The following CGNL1 variants were observed in gnomAD, a reference collection of about 807,000 sequenced individuals.
The protein encoded by CGNL1 is cingulin like 1.
A neutral mutation model predicts 141.2 loss-of-function variants in CGNL1; 132 were observed. The observed-to-expected ratio is 0.93, with a 90% CI of 0.81 to 1.08. The LOEUF (loss-of-function observed/expected upper bound fraction) is 1.08. Ranked by LOEUF, CGNL1 falls within the 50% of genes least tolerant of loss-of-function variation. The pLI is 0.00. For synonymous variants in CGNL1, 690 were observed against 622.1 expected (o/e 1.11, Z -1.63); for missense variants, 1,870 against 1,588.6 (o/e 1.18, Z -3.01).
At chr15:57,432,438 C>T (rs1179141336) in intron 1 of CGNL1, among the ~76,000 whole-genome samples, 2 of 152,204 alleles carry the variant, frequency 1.3e-5, no homozygotes, top group Non-Finnish European at 2.9e-5. Flanking sequence ...TTTGTTCTTA[C>T]AAACACACTC....
rs115892952 is a variant in CGNL1, at chr15:57,506,161, C to T, written c.2404-10619C>T. The stretch of plus-strand genomic sequence containing the variant: ...GGTCTGTCTGTGACAGCGACTCTAA[C>T]TGGGAGTCTAACGCTTGCATTTACC... On this transcript the variant is annotated intron_variant, in intron 8 of 18. Coordinates refer to ENST00000281282, the MANE Select transcript of CGNL1 (RefSeq NM_032866.5). 7.2e-3 allele frequency among the ~76,000 whole-genome samples: 1,099 copies of T among 152,346 alleles called. 17 individuals carry two copies. The highest frequency in any genetic ancestry group is 0.025 in the African/African-American group (1,053 of 41,572).
chr15:57,504,009 C>G (rs139664716), intron 8 of CGNL1, among the ~76,000 whole-genome samples: 2 of 152,094 alleles, frequency 1.3e-5, no homozygotes, highest in African/African-American at 2.4e-5. Context: ...CTGTGCCCTG[C>G]GTGGCATTGT....
chr15:57,497,681 G>T (rs1299140227), intron 8 of CGNL1, among the ~76,000 whole-genome samples: 2 of 152,190 alleles, frequency 1.3e-5, no homozygotes, highest in Admixed American at 6.5e-5. Context: ...GGAGGGTGTG[G>T]GTGGGCCAGG....
chr15:57,508,425 A>T (rs1430195782), intron 8 of CGNL1, among the ~76,000 whole-genome samples: 1 of 152,248 alleles, frequency 6.6e-6, no homozygotes, highest in Non-Finnish European at 1.5e-5. Context: ...GGAGGAAGGA[A>T]GGAACCCATC....
rs1268533972 is a variant in CGNL1, at chr15:57,548,477, A to C, written c.*987A>C. On this transcript the variant is annotated 3_prime_UTR_variant, in exon 19 of 19. Transcript: ENST00000281282. ...GCTAAGACTGAGCATAGCAGTTCAC[A>C]TGGTCTGGGTAAACAAGTCACTGGC... 1 of 152,264 alleles carries C rather than the reference A, an allele frequency of 6.6e-6. No homozygotes were observed. The highest frequency in any genetic ancestry group is 1.5e-5 in the Non-Finnish European group (1 of 68,052). The allele number at this position is 152,264 out of a possible 1,614,324, so 9.4% of individuals were successfully genotyped here.
At chr15:57,437,934 A>G (rs1454342443) in intron 1 of CGNL1, 51 bp from the exon 2 acceptor site, 38 of 1,433,520 alleles carry the variant, frequency 2.7e-5, no homozygotes, top group Non-Finnish European at 3.4e-5. Context: ...TCATTTAAAC[A>G]GATGTAATTC....
chr15:57,387,645 C>T (rs1261404992), intron 1 of CGNL1, among the ~76,000 whole-genome samples: 1 of 152,182 alleles, frequency 6.6e-6, no homozygotes, highest in East Asian at 1.9e-4. Context: ...CACCACCAGG[C>T]CCCTTTTATT....
At chr15:57,459,029 T>C (rs993118301) in intron 7 of CGNL1, among the ~76,000 whole-genome samples, 1 of 152,202 alleles carries the variant, frequency 6.6e-6, no homozygotes, top group Admixed American at 6.5e-5. Context: ...TTGTCGGTTA[T>C]ACTTAAATCA....
intron 8 of CGNL1, among the ~76,000 whole-genome samples, chr15:57,515,645 A>C (rs1303810352): frequency 1.3e-5 from 2 of 152,152 alleles, no homozygotes; most frequent in African/African-American, 4.8e-5. Flanking sequence ...ATTTCCCATC[A>C]CTTCAAATTG....
Position 57,438,910 on chromosome 15 carries a change from C to T in CGNL1, c.911C>T (p.Thr304Met), listed in dbSNP as rs1446145877. The change falls in exon 2 of 19, where the codon ACG becomes ATG. Residue 304 changes from threonine (T) to methionine (M), a missense_variant. Transcript: ENST00000281282. The part of the protein sequence containing the change: ...RRSSSSSTTP[T>M]SANSLYRFLL... Reference sequence around the variant, plus strand: ...TCCTCCTCGTCATCCACAACTCCCACGTCAGCCAACTCTTTGTACAGGTTT... The same window carrying T: ...TCCTCCTCGTCATCCACAACTCCCATGTCAGCCAACTCTTTGTACAGGTTT... 2.5e-6 allele frequency: 4 copies of T among 1,614,064 alleles called. No homozygotes were observed. Among genetic ancestry groups the T allele is most frequent in the East Asian group, 2.2e-5 (1 of 44,894 alleles).
At chr15:57,536,909 A>G (rs74016268) in intron 14 of CGNL1, among the ~76,000 whole-genome samples, 12,768 of 152,176 alleles carry the variant, frequency 0.084, 765 homozygotes, top group African/African-American at 0.17. Flanking sequence ...CACTCCTTCA[A>G]ATGCATTTGG....
At chr15:57,475,824 C>T (rs1229542282) in intron 8 of CGNL1, among the ~76,000 whole-genome samples, 1 of 152,130 alleles carries the variant, frequency 6.6e-6, no homozygotes, top group Middle Eastern at 3.4e-3. Context: ...CTGTCTGTCC[C>T]CAACATCCTT....
At chr15:57,439,674 C>A (rs1567118924) in intron 2 of CGNL1, 73 bp downstream of exon 2, 1 of 1,413,652 alleles carries the variant, frequency 7.1e-7, no homozygotes, top group Non-Finnish European at 9.7e-7. Context: ...ACTTATGCTG[C>A]AGGAGGCCAT....
Position 57,516,851 on chromosome 15 carries a change from G to C in CGNL1, c.2475G>C (p.Lys825Asn), listed in dbSNP as rs1375488435. Reference sequence around the variant, plus strand: ...AGGCGGGGACTGAAATGCGCGTGAAGCTTCTGCAGGAGGAGAATGAGAAGC... The same window carrying C: ...AGGCGGGGACTGAAATGCGCGTGAACCTTCTGCAGGAGGAGAATGAGAAGC... ...QDQAGTEMRV[K>N]LLQEENEKLQ... Residue 825 changes from lysine (K) to asparagine (N), a missense_variant, in exon 9 of 19, where the codon AAG becomes AAC. Coordinates refer to ENST00000281282, the MANE Select transcript of CGNL1 (RefSeq NM_032866.5). 6 of 1,614,104 alleles carry C rather than the reference G, an allele frequency of 3.7e-6. No individual in the cohort carries two copies. Among genetic ancestry groups the C allele is most frequent in the Non-Finnish European group, 5.1e-6 (6 of 1,180,046 alleles).
Position 57,500,011 on chromosome 15 carries a change from A to T in CGNL1, c.2404-16769A>T, listed in dbSNP as rs16977545. Among the ~76,000 whole-genome samples the T allele has an allele frequency of 3.2e-3, 492 of 152,226 alleles. 4 individuals are homozygous for T. The highest frequency in any genetic ancestry group is 0.011 in the African/African-American group (475 of 41,526). On this transcript the variant is annotated intron_variant, in intron 8 of 18. Coordinates refer to ENST00000281282, the MANE Select transcript of CGNL1 (RefSeq NM_032866.5). The stretch of plus-strand genomic sequence containing the variant: ...TACCATCTTGGCTAGGTCATTCTGG[A>T]AGATACCTGGTAAATGGGTTGGGTG...
At position 57,461,669 on chromosome 15, in the gene CGNL1, C is replaced by T; in HGVS notation, c.2191-11C>T. ...ATTGTCACCTTCTCCCTTCGTGTTT[C>T]CTCTCTCTAGGAGCTCTTACAGGCA... On this transcript the variant is annotated splice_polypyrimidine_tract_variant and intron_variant, in intron 7 of 18. Transcript: ENST00000281282. 1 of 1,611,716 alleles carries T rather than the reference C, an allele frequency of 6.2e-7. No individual in the cohort carries two copies. Among genetic ancestry groups the T allele is most frequent in the Non-Finnish European group, 8.5e-7 (1 of 1,178,088 alleles).
chr15:57,516,447 A>G (rs1206185589), intron 8 of CGNL1, among the ~76,000 whole-genome samples: 1 of 152,200 alleles, frequency 6.6e-6, no homozygotes, highest in Non-Finnish European at 1.5e-5. Context: ...AACTTTTTCT[A>G]TGAAGAGCCA....
intron 8 of CGNL1, among the ~76,000 whole-genome samples, chr15:57,484,612 T>C (rs2063764591): frequency 6.6e-6 from 1 of 152,190 alleles, no homozygotes; most frequent in South Asian, 2.1e-4. Context: ...GTTTGTTACA[T>C]AGGTATACAT....
intron 13 of CGNL1, among the ~76,000 whole-genome samples, chr15:57,530,686 G>A (rs187068701): frequency 6.6e-6 from 1 of 152,172 alleles, no homozygotes; most frequent in Non-Finnish European, 1.5e-5. Context: ...GAGATGCTTG[G>A]CTCCTGGGTG....
Sources: allele counts gnomAD v4.1 joint callset (sites outside exome capture counted in the v4.1 genomes callset), GRCh38; gene constraint gnomAD v4.1.1; transcripts MANE v1.5; gene names NCBI Gene and HGNC (gene_info 2026-07-23, HGNC 2026-07-21).